PLXNA2: variants seen among roughly 807,000 people sequenced by gnomAD.
The protein encoded by PLXNA2 is plexin-A2.
A neutral mutation model predicts 193.5 loss-of-function variants in PLXNA2; 91 were observed. That is an observed-to-expected ratio of 0.47 (90% CI 0.40 to 0.56). The LOEUF (loss-of-function observed/expected upper bound fraction) is 0.56. PLXNA2 is among the 20% of genes least tolerant of loss of function. The pLI is 0.00. For missense variants in PLXNA2, 1,995 were observed against 2,503.2 expected (o/e 0.80, Z 4.33); for synonymous variants, 997 against 1,027.3 (o/e 0.97, Z 0.56).
chr1:208,091,995 G>A (rs574902734), intron 9 of PLXNA2, among the ~76,000 whole-genome samples: 1 of 152,232 alleles, frequency 6.6e-6, no homozygotes, highest in African/African-American at 2.4e-5. Context: ...GGGCAACTAT[G>A]TAATGTCTCT....
intron 3 of PLXNA2, among the ~76,000 whole-genome samples, chr1:208,153,083 C>A (rs1415322798): frequency 6.6e-6 from 1 of 152,118 alleles, no homozygotes. Context: ...CTTGGTACTG[C>A]CCTGCACACA....
chr1:208,050,924 T>A lies in PLXNA2; in HGVS notation c.3255+85A>T. ...CCTCTCCAGTATTCAGAGGCTCCAG[T>A]GCCTAACCCAGAGCTCATCCCATTG... On this transcript the variant is annotated intron_variant, in intron 17 of 31. Transcript: ENST00000367033. 3 of 950,894 alleles carry A rather than the reference T, an allele frequency of 3.2e-6. No individual in the cohort carries two copies. The South Asian group carries it at 4.2e-5, about 13-fold the overall frequency. 58.9% of individuals were successfully genotyped at this position (950,894 alleles called of 1,614,324 possible).
chr1:208,154,412 G>A (rs573982982), intron 3 of PLXNA2, among the ~76,000 whole-genome samples: 1 of 152,312 alleles, frequency 6.6e-6, no homozygotes, highest in East Asian at 1.9e-4. Flanking sequence ...GACTCCCCAA[G>A]TCCTCCTGGC....
chr1:208,169,986 A>C (rs903666603), intron 3 of PLXNA2, among the ~76,000 whole-genome samples: 1 of 152,188 alleles, frequency 6.6e-6, no homozygotes, highest in African/African-American at 2.4e-5. Context: ...ACCTCCAAGA[A>C]CTTTCCCAGC....
At chr1:208,113,479 T>C (rs2102435968) in intron 4 of PLXNA2, among the ~76,000 whole-genome samples, 1 of 151,934 alleles carries the variant, frequency 6.6e-6, no homozygotes, top group South Asian at 2.1e-4. Context: ...TTCCCTTGCC[T>C]TCCAGTCTCC....
At chr1:208,051,472 G>A in intron 15 of PLXNA2, 49 bp from the exon 16 acceptor site, 2 of 1,526,268 alleles carry the variant, frequency 1.3e-6, no homozygotes, top group South Asian at 1.2e-5. Context: ...TGGGCAACAA[G>A]AGGTGCCCAC....
chr1:208,136,230 G>A (rs768078702), intron 4 of PLXNA2, among the ~76,000 whole-genome samples: 2 of 152,180 alleles, frequency 1.3e-5, no homozygotes, highest in Non-Finnish European at 2.9e-5. Flanking sequence ...TCAGTGCACC[G>A]TATCTGAATT....
chr1:208,105,110 C>T (rs774954063), intron 4 of PLXNA2, among the ~76,000 whole-genome samples: 2 of 152,306 alleles, frequency 1.3e-5, no homozygotes, highest in African/African-American at 2.4e-5. Context: ...TTCAGGTCTC[C>T]GCAGCCTGCC....
rs775031487 is a variant in PLXNA2, at chr1:208,051,224, T to C, written c.3161+32A>G. 9.4e-6 allele frequency: 15 copies of C among 1,596,216 alleles called. 1 individual carries two copies. The highest frequency in any genetic ancestry group is 6.7e-5 in the South Asian group (6 of 88,946). On this transcript the variant is annotated intron_variant, in intron 16 of 31. Transcript: ENST00000367033. ...GCTGCAGGGATCATGCTGGGTGGCT[T>C]CCAGGTGCATCCCTCCCACCTTCCA...
At chr1:208,241,542 G>A (rs954225381) in intron 1 of PLXNA2, among the ~76,000 whole-genome samples, 1 of 152,228 alleles carries the variant, frequency 6.6e-6, no homozygotes, top group African/African-American at 2.4e-5. Context: ...AGAAGGACCA[G>A]CTGGGATTTC....
chr1:208,210,617 C>T (rs945541982), intron 2 of PLXNA2, among the ~76,000 whole-genome samples, 155 bp from the exon 3 acceptor site: 2 of 152,072 alleles, frequency 1.3e-5, no homozygotes, highest in Non-Finnish European at 2.9e-5. Flanking sequence ...CAGACAAAAA[C>T]TTCTCACCAG....
At chr1:208,215,335 C>G (rs1671091233) in intron 2 of PLXNA2, among the ~76,000 whole-genome samples, 1 of 152,112 alleles carries the variant, frequency 6.6e-6, no homozygotes, top group Non-Finnish European at 1.5e-5. Context: ...GTGCCTAGTA[C>G]AGTGCCAGGC....
intron 1 of PLXNA2, among the ~76,000 whole-genome samples, chr1:208,234,311 C>G (rs1420978345): frequency 6.6e-6 from 1 of 152,174 alleles, no homozygotes; most frequent in Non-Finnish European, 1.5e-5. Context: ...TATTCTACAC[C>G]AAACACCTAT....
In PLXNA2 at chr1:208,217,462, T is replaced by C. The variant is rs1194555199; in HGVS notation, c.461A>G (p.Lys154Arg). 6.2e-7 allele frequency: 1 copy of C among 1,614,074 alleles called. No homozygotes were observed. Among genetic ancestry groups the C allele is most frequent in the African/African-American group, 1.3e-5 (1 of 74,930 alleles). ...DLFILVEPSH[K>R]KEHYLSSVNK... is the part of the protein sequence containing the mutation. ...GACACTGGACAGGTAGTGCTCCTTC[T>C]TGTGGGATGGCTCCACCAGGATGAA... is the stretch of plus-strand genomic sequence containing the variant. The change falls in exon 2 of 32, where the codon AAG (lysine) becomes AGG (arginine). Residue 154 changes from lysine (K) to arginine (R), a missense_variant. Coordinates refer to ENST00000367033, the MANE Select transcript of PLXNA2 (RefSeq NM_025179.4). The surrounding 1 kb of genome is among the most constrained non-coding windows in gnomAD (Gnocchi z 4.7).
intron 3 of PLXNA2, among the ~76,000 whole-genome samples, chr1:208,163,842 G>T (rs568804049): frequency 6.6e-6 from 1 of 152,292 alleles, no homozygotes; most frequent in African/African-American, 2.4e-5. Flanking sequence ...TGAACACAGT[G>T]CCTGGCAAGT....
chr1:208,097,949 T>C (rs1399935757), intron 6 of PLXNA2, among the ~76,000 whole-genome samples: 4 of 152,040 alleles, frequency 2.6e-5, no homozygotes, highest in African/African-American at 9.7e-5. Context: ...AGCAACCCTC[T>C]CCACCTCAGC....
At chr1:208,054,661 GCTT>G in intron 13 of PLXNA2, 123 bp from the exon 14 acceptor site, 1 of 706,722 alleles carries the variant, frequency 1.4e-6, no homozygotes, top group Non-Finnish European at 2.5e-6. Flanking sequence ...CCAAGACTCA[GCTT>G]GGTCATCCAT....
chr1:208,070,796 G>A (rs1371493685), intron 12 of PLXNA2, among the ~76,000 whole-genome samples: 2 of 152,354 alleles, frequency 1.3e-5, no homozygotes, highest in East Asian at 3.9e-4. Context: ...GTCGAAATGA[G>A]ATGATATATG....
chr1:208,037,856 T>A (rs1440481996), intron 26 of PLXNA2, among the ~76,000 whole-genome samples: 1 of 152,046 alleles, frequency 6.6e-6, no homozygotes, highest in East Asian at 1.9e-4. Flanking sequence ...ATTTTACACA[T>A]GAGAGACAAG....
Sources: gnomAD v4.1 joint callset for allele counts (sites outside exome capture counted in the v4.1 genomes callset) on GRCh38, gnomAD v4.1.1 for gene constraint, Gnocchi (gnomAD v3.1) non-coding constraint, MANE v1.5 for transcripts, NCBI Gene and HGNC (gene_info 2026-07-23, HGNC 2026-07-21) for gene names.